Variants in GRIK4 observed in about 807,000 individuals in gnomAD.
GRIK4 encodes the protein glutamate receptor ionotropic, kainate 4.
GRIK4 carries 40 observed loss-of-function variants against 104.9 expected under a neutral mutation model. The ratio of observed to expected loss-of-function variants is 0.38; its 90% CI spans 0.30 to 0.50. The LOEUF (loss-of-function observed/expected upper bound fraction) is 0.50, where lower values mean the gene tolerates loss of function less well. GRIK4 is among the 20% of genes least tolerant of loss of function. The pLI is 0.93. For missense variants in GRIK4, 1,047 were observed against 1,308.1 expected, an observed-to-expected ratio of 0.80 and a Z score of 3.08; for synonymous variants, 485 against 524.9, an observed-to-expected ratio of 0.92 and a Z score of 1.04.
At chr11:120,904,238 T>C (rs1046511997) in intron 12 of GRIK4, among the ~76,000 whole-genome samples, 1 of 152,160 alleles carries the variant, frequency 6.6e-6, no homozygotes, top group African/African-American at 2.4e-5. Flanking sequence ...CACTTCTGCC[T>C]GCGTAGCCTG....
intron 1 of GRIK4, among the ~76,000 whole-genome samples, chr11:120,639,524 G>C (rs1330356621): frequency 6.6e-6 from 1 of 152,158 alleles, no homozygotes; most frequent in Non-Finnish European, 1.5e-5. Flanking sequence ...TCCTCTTGGG[G>C]TCGGCCCCTG....
chr11:120,959,834 T>C (rs1036808197), intron 16 of GRIK4, among the ~76,000 whole-genome samples: 2 of 152,260 alleles, frequency 1.3e-5, no homozygotes, highest in African/African-American at 4.8e-5. Flanking sequence ...TTATTAAAGA[T>C]GTTCTGTTGT....
At chr11:120,798,865 T>G (rs1201741478) in intron 3 of GRIK4, among the ~76,000 whole-genome samples, 1 of 152,226 alleles carries the variant, frequency 6.6e-6, no homozygotes, top group Non-Finnish European at 1.5e-5. Flanking sequence ...AGACCCTATT[T>G]TTTAAGGCAG....
At chr11:120,638,644 AT>A (rs1949430239) in intron 1 of GRIK4, among the ~76,000 whole-genome samples, 1 of 151,648 alleles carries the variant, frequency 6.6e-6, no homozygotes, top group Admixed American at 6.6e-5. Context: ...TGCCCGGCTA[AT>A]TTTTTGTATT....
chr11:120,986,289 CGGGCGGGGCGGG>C lies in GRIK4; in HGVS notation c.*30_*41del, dbSNP rs750859269. The C allele has an allele frequency of 9.3e-6, 7 of 749,388 alleles. No individual in the cohort carries two copies. The highest frequency in any genetic ancestry group is 6.5e-5 in the African/African-American group (3 of 46,216). The allele number at this position is 749,388 out of a possible 1,614,324, so 46.4% of individuals were successfully genotyped here. A position where few individuals can be genotyped will look rare whatever the true frequency, so the allele number is the denominator to read the frequency against. ...CGGAGGCCACAGGACGCGCAGAGGCCGGGCGGGGCGGGAGGGGAGGGGCGGGGCGGGCGCTGC... is the reference window on the plus strand; with the variant it reads ...CGGAGGCCACAGGACGCGCAGAGGCCAGGGGAGGGGCGGGGCGGGCGCTGC... On this transcript the variant is annotated 3_prime_UTR_variant, in exon 21 of 21. Coordinates refer to ENST00000527524, the MANE Select transcript of GRIK4 (RefSeq NM_014619.5).
chr11:120,860,840 C>A (rs1215054715), intron 8 of GRIK4, among the ~76,000 whole-genome samples: 1 of 152,146 alleles, frequency 6.6e-6, no homozygotes, highest in Non-Finnish European at 1.5e-5. Flanking sequence ...ACTGACAGTT[C>A]CCCTGGGTCC....
At chr11:120,934,094 A>G (rs1943540277) in intron 13 of GRIK4, among the ~76,000 whole-genome samples, 1 of 151,332 alleles carries the variant, frequency 6.6e-6, no homozygotes, top group East Asian at 2.0e-4. Context: ...AGTCCCAGCT[A>G]CTCAGGAGGC....
chr11:120,852,388 C>T (rs1339911768), intron 8 of GRIK4, among the ~76,000 whole-genome samples: 4 of 152,108 alleles, frequency 2.6e-5, no homozygotes, highest in South Asian at 4.2e-4. Context: ...ACTTGCTAAG[C>T]GCAAGTGTAG....
At chr11:120,682,337 CT>C (rs1226224797) in intron 3 of GRIK4, among the ~76,000 whole-genome samples, 1 of 152,222 alleles carries the variant, frequency 6.6e-6, no homozygotes. Context: ...CCCAGCGAGG[CT>C]TCACTTGAGC....
intron 3 of GRIK4, among the ~76,000 whole-genome samples, chr11:120,681,800 A>G (rs1418375597): frequency 6.6e-6 from 1 of 152,232 alleles, no homozygotes; most frequent in African/African-American, 2.4e-5. Context: ...ACAGAGATGG[A>G]CAGAGCCCTG....
chr11:120,777,808 G>A (rs930278312), intron 3 of GRIK4, among the ~76,000 whole-genome samples: 7 of 152,034 alleles, frequency 4.6e-5, no homozygotes, highest in African/African-American at 1.4e-4. Flanking sequence ...ATGATGGCAC[G>A]CATCTGTAAT....
chr11:120,776,827 A>G (rs1258173314), intron 3 of GRIK4, among the ~76,000 whole-genome samples: 2 of 152,158 alleles, frequency 1.3e-5, no homozygotes, highest in Non-Finnish European at 2.9e-5. Context: ...GTCTCTCCAT[A>G]GGCCTCTTCA....
chr11:120,600,298 A>G (rs746434585), intron 1 of GRIK4, among the ~76,000 whole-genome samples: 1 of 152,120 alleles, frequency 6.6e-6, no homozygotes, highest in Non-Finnish European at 1.5e-5. Flanking sequence ...TATGGGTCCC[A>G]TTAGGGCAAG....
intron 1 of GRIK4, among the ~76,000 whole-genome samples, chr11:120,519,513 C>T (rs758674503): frequency 5.9e-5 from 9 of 152,240 alleles, no homozygotes; most frequent in Non-Finnish European, 5.9e-5. Context: ...ACCTTGATCT[C>T]GGGCTTCCCC....
At position 120,952,688 on chromosome 11, in the gene GRIK4, G is replaced by A. The variant is rs889169604; in HGVS notation, c.1591-167G>A. Among the ~76,000 whole-genome samples, 1 of 152,032 alleles carries A rather than the reference G, an allele frequency of 6.6e-6. No individual in the cohort carries two copies. Among genetic ancestry groups the A allele is most frequent in the African/African-American group, 2.4e-5 (1 of 41,374 alleles). Reference sequence around the variant, plus strand: ...CTGGGTCGTGTCATTTGCGCAGCCCGGCAACACCCTCATTCCCAGTGTCAT... The same window carrying A: ...CTGGGTCGTGTCATTTGCGCAGCCCAGCAACACCCTCATTCCCAGTGTCAT... On this transcript the variant is annotated intron_variant, in intron 14 of 20. Transcript: ENST00000527524. This position sits in a 1 kb window ranked among gnomAD's most constrained non-coding sequence, Gnocchi z 5.2.
intron 11 of GRIK4, among the ~76,000 whole-genome samples, chr11:120,876,154 A>ACCACCATCATCATCACCACCC (rs1176191393): frequency 6.7e-6 from 1 of 150,022 alleles, no homozygotes; most frequent in Admixed American, 6.6e-5. Flanking sequence ...CATCACCACC[A>ACCACCATCATCATCACCACCC]CCACCATCAT....
At chr11:120,710,996 G>GT (rs1950723020) in intron 3 of GRIK4, among the ~76,000 whole-genome samples, 1 of 145,662 alleles carries the variant, frequency 6.9e-6, no homozygotes, top group African/African-American at 2.8e-5. Flanking sequence ...CCCCTGTGAG[G>GT]TGGGGAGGGG....
intron 3 of GRIK4, among the ~76,000 whole-genome samples, chr11:120,705,914 T>G (rs1219494392): frequency 2.6e-5 from 4 of 152,244 alleles, no homozygotes; most frequent in African/African-American, 9.6e-5. Context: ...TCGTGGATTC[T>G]CTGGGATTTT....
chr11:120,514,898 A>T (rs965410848), intron 1 of GRIK4: 1 of 447,402 alleles, frequency 2.2e-6, no homozygotes, highest in Non-Finnish European at 4.5e-6. Context: ...TTGGCTGTTC[A>T]CCCTGAGTTA....
Sources: gnomAD v4.1 joint callset for allele counts (sites outside exome capture counted in the v4.1 genomes callset) on GRCh38, gnomAD v4.1.1 for gene constraint, Gnocchi (gnomAD v3.1) non-coding constraint, MANE v1.5 for transcripts, NCBI Gene and HGNC (gene_info 2026-07-23, HGNC 2026-07-21) for gene names.